The following CUBN variants were observed in gnomAD, a reference collection of about 807,000 sequenced individuals.
CUBN encodes the protein 460 kDa receptor.
In CUBN, 282 loss-of-function variants were observed where a neutral mutation model predicts 405.3. The observed-to-expected ratio is 0.70, with a 90% CI of 0.63 to 0.77. The LOEUF (loss-of-function observed/expected upper bound fraction) is 0.77, where lower values mean the gene tolerates loss of function less well. CUBN is among the 30% of genes least tolerant of loss of function. The pLI, the probability that CUBN is intolerant of heterozygous loss-of-function variation, is 0.00. For missense variants in CUBN, 4,514 were observed against 4,475.2 expected, an observed-to-expected ratio of 1.01 and a Z score of -0.25; for synonymous variants, 1,684 against 1,617.0, an observed-to-expected ratio of 1.04 and a Z score of -0.99.
intron 43 of CUBN, among the ~76,000 whole-genome samples, chr10:16,923,621 T>C (rs1226650784): frequency 6.6e-6 from 1 of 152,094 alleles, no homozygotes; most frequent in Admixed American, 6.5e-5. Flanking sequence ...ATAATAAGCT[T>C]CAAGAAAGAC....
chr10:16,851,272 G>A lies in CUBN; in HGVS notation c.9626C>T (p.Ala3209Val), dbSNP rs751376621. 6.8e-6 allele frequency: 11 copies of A among 1,613,948 alleles called. No homozygotes were observed. Among genetic ancestry groups the A allele is most frequent in the Non-Finnish European group, 9.3e-6 (11 of 1,179,962 alleles). Residue 3209 changes from alanine (A) to valine (V), a missense_variant, in exon 60 of 67, where the codon GCA becomes GTA. Ala to Val is a moderately conservative substitution (Grantham distance 64). Around this residue, in one of 5 missense-constraint regions of CUBN, gnomAD observed 1,186 missense variants for 1,186.9 expected, o/e 1.00. Coordinates refer to ENST00000377833, the MANE Select transcript of CUBN (RefSeq NM_001081.4). ...ATAAAGGCATCTTTGCCTAGTACTT[G>A]CTGCCTCCAGAGCAAATGTATTGAA... is the stretch of plus-strand genomic sequence containing the variant. The part of the protein sequence containing the change: ...LTFNTFALEA[A>V]STRQRCLYDY...
intron 27 of CUBN, among the ~76,000 whole-genome samples, chr10:17,027,963 C>T (rs969084504): frequency 2.6e-5 from 4 of 152,028 alleles, no homozygotes; most frequent in African/African-American, 9.7e-5. Context: ...CCATGTACCC[C>T]ATAATATATA....
intron 59 of CUBN, among the ~76,000 whole-genome samples, chr10:16,858,487 AT>A (rs1839926456): frequency 6.6e-6 from 1 of 151,836 alleles, no homozygotes; most frequent in Non-Finnish European, 1.5e-5. Context: ...TGCCTGGCTA[AT>A]TTTGTTATTT....
intron 29 of CUBN, among the ~76,000 whole-genome samples, chr10:16,985,806 T>TATC (rs1447792820): frequency 2.6e-5 from 4 of 152,230 alleles, no homozygotes; most frequent in African/African-American, 9.6e-5. Flanking sequence ...CTTCTAGATC[T>TATC]ATCACACATG....
Position 16,836,119 on chromosome 10 carries a change from G to A in CUBN, c.10180+116C>T. The A allele has an allele frequency of 3.8e-6, 4 of 1,058,376 alleles. No individual in the cohort carries two copies. In the Admixed American group the frequency reaches 7.7e-5, roughly 20 times the overall value. The allele number at this position is 1,058,376 out of a possible 1,614,324, so 65.6% of individuals were successfully genotyped here. ...TAGTTAAGAGAGGGATGTGGTTTTT[G>A]TTAACAAATCCTAATTTACTCACAG... On this transcript the variant is annotated intron_variant, in intron 63 of 66. Coordinates refer to ENST00000377833, the MANE Select transcript of CUBN (RefSeq NM_001081.4).
Position 16,937,760 on chromosome 10 carries a change from C to A in CUBN, c.5758G>T (p.Ala1920Ser), listed in dbSNP as rs770772474. Residue 1920 changes from alanine to serine, a missense_variant, in exon 39 of 67, where the codon GCC (alanine) becomes TCC (serine). Ala to Ser is a moderately conservative substitution (Grantham distance 99). Transcript: ENST00000377833. The part of the protein sequence containing the change: ...LRIYDGPSIH[A>S]RLIGAYCGTQ... ...CCACAGTAAGCTCCAATTAGGCGGG[C>A]GTGAATGCTAGGCCCATCATAGATC... 6.2e-7 allele frequency: 1 copy of A among 1,613,662 alleles called. No homozygotes were observed. Among genetic ancestry groups the A allele is most frequent in the Non-Finnish European group, 8.5e-7 (1 of 1,179,922 alleles).
intron 26 of CUBN, among the ~76,000 whole-genome samples, chr10:17,043,058 T>C (rs1835051143): frequency 1.3e-5 from 2 of 152,180 alleles, no homozygotes; most frequent in South Asian, 2.1e-4. Context: ...ATGTCCATTT[T>C]GGAACTAACT....
In CUBN at chr10:16,874,402, C is replaced by T. The variant is rs144314567; in HGVS notation, c.9208G>A (p.Val3070Ile). ...AGCTCGATCACCTTGTCGTCACTAA[C>T]GGTGATGGTATACAGACAGTGCATA... is the stretch of plus-strand genomic sequence containing the variant. ...NDMHCLYTIT[V>I]SDDKVIELKF... The change falls in exon 58 of 67, where the codon GTT becomes ATT. Residue 3070 changes from valine to isoleucine, a missense_variant. This residue lies in a region of CUBN where 1,186 missense variants were observed against 1,186.9 expected (regional missense o/e 1.00). Transcript: ENST00000377833. 39 of 1,614,102 alleles carry T rather than the reference C, an allele frequency of 2.4e-5. No individual in the cohort carries two copies. Among genetic ancestry groups the T allele is most frequent in the South Asian group, 2.0e-4 (18 of 91,080 alleles).
At chr10:17,113,255 ACT>A (rs1352491551) in intron 8 of CUBN, among the ~76,000 whole-genome samples, 1 of 152,038 alleles carries the variant, frequency 6.6e-6, no homozygotes, top group African/African-American at 2.4e-5. Context: ...ACAGGGAGAG[ACT>A]CTGTCTCAAA....
intron 27 of CUBN, among the ~76,000 whole-genome samples, chr10:17,031,506 C>G (rs1053447675): frequency 5.5e-4 from 83 of 152,234 alleles, no homozygotes; most frequent in African/African-American, 1.9e-3. Flanking sequence ...TGGGTTTAAA[C>G]TTCATTCTGA....
At chr10:16,841,929 A>T (rs1012747910) in intron 60 of CUBN, among the ~76,000 whole-genome samples, 9 of 150,762 alleles carry the variant, frequency 6.0e-5, no homozygotes, top group African/African-American at 2.2e-4. Flanking sequence ...AAAAAAAAAA[A>T]AGATATCCCC....
intron 27 of CUBN, among the ~76,000 whole-genome samples, chr10:17,040,699 C>T (rs1834998681): frequency 6.6e-6 from 1 of 151,978 alleles, no homozygotes; most frequent in African/African-American, 2.4e-5. Flanking sequence ...CCAAGATACC[C>T]AAACATTTTC....
At chr10:16,964,461 A>G (rs1266304572) in intron 31 of CUBN, among the ~76,000 whole-genome samples, 1 of 152,190 alleles carries the variant, frequency 6.6e-6, no homozygotes, top group Non-Finnish European at 1.5e-5. Context: ...TTGTGTGTAC[A>G]TGAGTGCGTG....
chr10:16,917,057 C>T (rs1841904020), intron 45 of CUBN, among the ~76,000 whole-genome samples: 1 of 152,060 alleles, frequency 6.6e-6, no homozygotes, highest in East Asian at 1.9e-4. Flanking sequence ...CGTGATCCAC[C>T]TGCCTTAGCC....
At chr10:17,095,829 A>G (rs1030350001) in intron 14 of CUBN, among the ~76,000 whole-genome samples, 3 of 152,144 alleles carry the variant, frequency 2.0e-5, no homozygotes, top group Non-Finnish European at 4.4e-5. Context: ...ACATTCATAC[A>G]TTCACCATAG....
chr10:17,027,465 A>G (rs1490704453), intron 27 of CUBN, among the ~76,000 whole-genome samples: 2 of 152,240 alleles, frequency 1.3e-5, no homozygotes, highest in Non-Finnish European at 2.9e-5. Context: ...ACAGGAAATC[A>G]ATACCACCAA....
intron 17 of CUBN, among the ~76,000 whole-genome samples, chr10:17,077,456 A>G (rs1337582933): frequency 6.6e-6 from 1 of 152,198 alleles, no homozygotes; most frequent in East Asian, 1.9e-4. Flanking sequence ...TCAAGTCCCA[A>G]AGCCATGTCT....
chr10:17,090,189 C>T (rs1056074896), intron 14 of CUBN, among the ~76,000 whole-genome samples: 4 of 151,990 alleles, frequency 2.6e-5, no homozygotes, highest in Non-Finnish European at 5.9e-5. Context: ...CATCACATAG[C>T]GGCATACTAT....
intron 21 of CUBN, among the ~76,000 whole-genome samples, chr10:17,066,665 G>A (rs1466528276): frequency 6.6e-6 from 1 of 152,004 alleles, no homozygotes; most frequent in Non-Finnish European, 1.5e-5. Flanking sequence ...CAAACGTTCT[G>A]TATTTTGCAG....
Sources: gnomAD v4.1 joint callset for allele counts (sites outside exome capture counted in the v4.1 genomes callset) on GRCh38, gnomAD v4.1.1 for gene constraint, gnomAD v4.1.1 regional missense constraint, MANE v1.5 for transcripts, NCBI Gene and HGNC (gene_info 2026-07-23, HGNC 2026-07-21) for gene names.